NCKAP5: variants seen among roughly 807,000 people sequenced by gnomAD.
The protein encoded by NCKAP5 is nck-associated protein 5.
NCKAP5 carries 92 observed loss-of-function variants against 167.0 expected under a neutral mutation model. That is an observed-to-expected ratio of 0.55 (90% CI 0.47 to 0.66). The LOEUF (loss-of-function observed/expected upper bound fraction) is 0.66. Ranked by LOEUF, NCKAP5 falls within the 30% of genes least tolerant of loss-of-function variation. NCKAP5 has a pLI of 0.00. For missense variants in NCKAP5, 2,378 were observed against 2,315.0 expected (o/e 1.03, Z -0.56); for synonymous variants, 891 against 877.4 (o/e 1.02, Z -0.27).
At chr2:132,973,009 T>A (rs957882237) in intron 7 of NCKAP5, among the ~76,000 whole-genome samples, 3 of 152,156 alleles carry the variant, frequency 2.0e-5, no homozygotes, top group African/African-American at 7.2e-5. Context: ...ACAATTTCTC[T>A]CCTAAGAAAA....
At chr2:133,090,632 C>T (rs922499106) in intron 6 of NCKAP5, among the ~76,000 whole-genome samples, 1 of 152,154 alleles carries the variant, frequency 6.6e-6, no homozygotes, top group Non-Finnish European at 1.5e-5. Flanking sequence ...TTTTAAGCCA[C>T]CAAGTCTGTG....
intron 5 of NCKAP5, among the ~76,000 whole-genome samples, chr2:133,186,679 G>A (rs1308362339): frequency 1.3e-5 from 2 of 151,944 alleles, no homozygotes; most frequent in Non-Finnish European, 2.9e-5. Context: ...TTCAATCTTG[G>A]GAGGCTGTGT....
At chr2:132,690,134 G>T (rs1686531887) in intron 19 of NCKAP5, among the ~76,000 whole-genome samples, 2 of 152,024 alleles carry the variant, frequency 1.3e-5, no homozygotes, top group South Asian at 4.2e-4. Context: ...ATCAATTCCT[G>T]CCAGGCCACT....
chr2:132,734,487 C>A (rs769508686), intron 16 of NCKAP5, among the ~76,000 whole-genome samples: 1 of 152,138 alleles, frequency 6.6e-6, no homozygotes, highest in Non-Finnish European at 1.5e-5. Context: ...ACCCTATGTA[C>A]CCCAGGCTGC....
chr2:132,797,841 C>T (rs1684726196), intron 11 of NCKAP5, among the ~76,000 whole-genome samples: 1 of 152,192 alleles, frequency 6.6e-6, no homozygotes, highest in Non-Finnish European at 1.5e-5. Flanking sequence ...CTGTGTTCCC[C>T]ATTCAACTCT....
intron 19 of NCKAP5, among the ~76,000 whole-genome samples, chr2:132,699,654 T>A (rs1199205644): frequency 6.6e-6 from 1 of 152,232 alleles, no homozygotes; most frequent in Non-Finnish European, 1.5e-5. Flanking sequence ...ACAAAGGACA[T>A]GAACTCATCC....
At chr2:133,357,700 C>A (rs987825203) in intron 3 of NCKAP5, among the ~76,000 whole-genome samples, 1 of 152,190 alleles carries the variant, frequency 6.6e-6, no homozygotes, top group Non-Finnish European at 1.5e-5. Flanking sequence ...TGTTTTTAAT[C>A]TTGCCCTATA....
At chr2:133,403,498 T>C (rs964055193) in intron 3 of NCKAP5, among the ~76,000 whole-genome samples, 5 of 152,236 alleles carry the variant, frequency 3.3e-5, no homozygotes, top group African/African-American at 1.2e-4. Context: ...TTTGGATGTC[T>C]AGTGTTTAAC....
chr2:132,755,074 A>G (rs1240699278), intron 16 of NCKAP5, among the ~76,000 whole-genome samples: 1 of 152,248 alleles, frequency 6.6e-6, no homozygotes, highest in Non-Finnish European at 1.5e-5. Flanking sequence ...TTTGAGTACC[A>G]GAAAATGAAA....
At chr2:132,839,531 C>T (rs941393042) in intron 11 of NCKAP5, among the ~76,000 whole-genome samples, 5 of 151,844 alleles carry the variant, frequency 3.3e-5, no homozygotes, top group South Asian at 2.1e-4. Context: ...GAGGCTGAGG[C>T]GGGCAGATTG....
At chr2:132,778,228 A>AAATT (rs1682717727) in intron 15 of NCKAP5, among the ~76,000 whole-genome samples, 1 of 152,088 alleles carries the variant, frequency 6.6e-6, no homozygotes, top group Non-Finnish European at 1.5e-5. Context: ...GCCCTTGTCT[A>AAATT]AATTACACAA....
intron 7 of NCKAP5, among the ~76,000 whole-genome samples, chr2:132,970,652 A>G (rs10496695): frequency 0.11 from 17,093 of 152,266 alleles, 1,628 homozygotes; most frequent in East Asian, 0.39. Context: ...CGCTACATAA[A>G]GCAATCCTTA....
chr2:133,578,791 G>A, the NCKAP5 span, among the ~76,000 whole-genome samples: 11 of 152,168 alleles, frequency 7.2e-5, no homozygotes, highest in Non-Finnish European at 5.9e-5. Context: ...CCCAGTCTGC[G>A]TCATGACCTC....
intron 2 of NCKAP5, among the ~76,000 whole-genome samples, chr2:133,544,686 C>T (rs985769576): frequency 2.0e-5 from 3 of 152,192 alleles, no homozygotes; most frequent in Admixed American, 6.5e-5. Context: ...TGTCTCTTCA[C>T]ACAAATGGAT....
In NCKAP5 at chr2:132,675,263, G is replaced by A. The variant is rs184878011; in HGVS notation, c.5714-1958C>T. Among the ~76,000 whole-genome samples, 11 of 152,324 alleles carry A rather than the reference G, an allele frequency of 7.2e-5. No homozygotes were observed. The East Asian group carries it at 1.5e-3, about 21-fold the overall frequency. ...CCTGAGGGCAGACAGGCTGAGCTTC[G>A]ATTTCAGCTTGGCCCTTTCACGGGC... On this transcript the variant is annotated intron_variant, in intron 19 of 19. Transcript: ENST00000409261.
At chr2:132,810,062 CA>C (rs1398293573) in intron 11 of NCKAP5, among the ~76,000 whole-genome samples, 1 of 152,288 alleles carries the variant, frequency 6.6e-6, no homozygotes, top group East Asian at 1.9e-4. Flanking sequence ...TCACTGTATA[CA>C]AAATTCTTGG....
intron 6 of NCKAP5, among the ~76,000 whole-genome samples, chr2:133,071,466 CA>C (rs200411805): frequency 1.3e-5 from 2 of 151,486 alleles, no homozygotes; most frequent in Non-Finnish European, 2.9e-5. Context: ...AACAAACAAA[CA>C]AAAAAAAATC....
At chr2:132,907,937 G>A (rs929159122) in intron 8 of NCKAP5, among the ~76,000 whole-genome samples, 3 of 152,162 alleles carry the variant, frequency 2.0e-5, no homozygotes, top group Admixed American at 6.5e-5. Context: ...GATTACAGGC[G>A]TGAGCCACCA....
intron 3 of NCKAP5, among the ~76,000 whole-genome samples, chr2:133,407,705 GGGCAAA>G: frequency 6.6e-6 from 1 of 152,170 alleles, no homozygotes; most frequent in South Asian, 2.1e-4. Context: ...ATCTCTGACA[GGGCAAA>G]GCTGAGAAAA....
Sources: gnomAD v4.1 joint callset for allele counts (sites outside exome capture counted in the v4.1 genomes callset) on GRCh38, gnomAD v4.1.1 for gene constraint, MANE v1.5 for transcripts, NCBI Gene and HGNC (gene_info 2026-07-23, HGNC 2026-07-21) for gene names.